DDIAS: variants seen among roughly 807,000 people sequenced by gnomAD.
DDIAS encodes the protein DNA damage-induced apoptosis suppressor protein.
DDIAS carries 14 observed loss-of-function variants against 15.7 expected under a neutral mutation model. The ratio of observed to expected loss-of-function variants is 0.89; its 90% CI spans 0.59 to 1.39. The LOEUF is 1.39. DDIAS is among the 40% of genes most tolerant of loss of function. DDIAS has a pLI of 0.00. For synonymous variants in DDIAS, 355 were observed against 395.9 expected (o/e 0.90, Z 1.23); for missense variants, 1,035 against 1,130.9 (o/e 0.92, Z 1.22).
intron 1 of DDIAS, among the ~76,000 whole-genome samples, chr11:82,910,441 G>A (rs570625834): frequency 3.3e-5 from 5 of 151,492 alleles, no homozygotes; most frequent in East Asian, 1.9e-4. Context: ...GGCTAATTTT[G>A]TATATTTTTG....
intron 5 of DDIAS, among the ~76,000 whole-genome samples, chr11:82,931,002 T>C (rs1408419983): frequency 6.6e-6 from 1 of 151,290 alleles, no homozygotes; most frequent in African/African-American, 2.4e-5. Context: ...TCCCCTCCCC[T>C]CCTCTCTTTC....
Position 82,932,439 on chromosome 11 carries a change from G to A in DDIAS, c.1101G>A (p.Gln367=), listed in dbSNP as rs1861015728. The A allele has an allele frequency of 1.2e-6, 2 of 1,614,154 alleles. No homozygotes were observed. The highest frequency in any genetic ancestry group is 3.3e-5 in the Admixed American group (2 of 60,024). Residue 367 remains glutamine, a synonymous_variant, in exon 6 of 6, where the codon CAG becomes CAA. Transcript: ENST00000533655. The part of the protein sequence containing the change: ...HSAVEIKNRS[Q]HELPCFQHHG... ...CAGTGGAAATTAAAAATAGGTCCCA[G>A]CATGAGCTACCATGTTTTCAGCATC... is the stretch of plus-strand genomic sequence containing the variant.
At chr11:82,916,899 C>G (rs1860643069) in intron 3 of DDIAS, among the ~76,000 whole-genome samples, 1 of 152,158 alleles carries the variant, frequency 6.6e-6, no homozygotes, top group Non-Finnish European at 1.5e-5. Context: ...TGAATTCTGT[C>G]TACCTTCATA....
rs750930355 is a variant in DDIAS, at chr11:82,914,752, G to A, written c.14G>A (p.Arg5Gln). MNRR[R>Q]KFLLASVLAL... ...CGGTGTGAACACATGAACAGAAGACGAAAATTTCTTCTAGCCTCAGTACTT... is the reference window on the plus strand; with the variant it reads ...CGGTGTGAACACATGAACAGAAGACAAAAATTTCTTCTAGCCTCAGTACTT... The change falls in exon 3 of 6, where the codon CGA (arginine) becomes CAA (glutamine). Residue 5 changes from arginine to glutamine, a missense_variant. Arg to Gln is a conservative substitution (Grantham distance 43, BLOSUM62 1). Transcript: ENST00000533655. 18 of 1,603,406 alleles carry A rather than the reference G, an allele frequency of 1.1e-5. No homozygotes were observed. Among genetic ancestry groups the A allele is most frequent in the Middle Eastern group, 1.7e-4 (1 of 6,058 alleles).
At chr11:82,915,981 G>A (rs1860626182) in intron 3 of DDIAS, among the ~76,000 whole-genome samples, 1 of 152,148 alleles carries the variant, frequency 6.6e-6, no homozygotes, top group Non-Finnish European at 1.5e-5. Flanking sequence ...GATGTTGTTT[G>A]AGAATCTGCT....
chr11:82,914,718 T>C lies in DDIAS; in HGVS notation c.-16-5T>C, dbSNP rs773046419. ...AGTCATCCCAATGGCTATTTTGTTT[T>C]GCAGACCACGGTGTGAACACATGAA... is the stretch of plus-strand genomic sequence containing the variant. On this transcript the variant is annotated splice_polypyrimidine_tract_variant and splice_region_variant and intron_variant, in intron 2 of 5. Coordinates refer to ENST00000533655, the MANE Select transcript of DDIAS (RefSeq NM_145018.4). 5.6e-5 allele frequency: 82 copies of C among 1,461,660 alleles called. No homozygotes were observed. The highest frequency in any genetic ancestry group is 7.7e-5 in the Non-Finnish European group (81 of 1,047,682). The allele number at this position is 1,461,660 out of a possible 1,614,324, so 90.5% of individuals were successfully genotyped here.
At chr11:82,903,076 C>T (rs1591083558) in intron 1 of DDIAS, among the ~76,000 whole-genome samples, 1 of 152,134 alleles carries the variant, frequency 6.6e-6, no homozygotes, top group East Asian at 1.9e-4. Context: ...GTTGTGCAAA[C>T]GTCCTGAGGC....
chr11:82,920,422 G>T (rs1187125169), intron 3 of DDIAS, among the ~76,000 whole-genome samples: 1 of 151,994 alleles, frequency 6.6e-6, no homozygotes, highest in Admixed American at 6.6e-5. Flanking sequence ...CTGGGTTTCG[G>T]TTTGGTTTGT....
chr11:82,925,707 A>C (rs1860844922), intron 3 of DDIAS, among the ~76,000 whole-genome samples: 1 of 152,170 alleles, frequency 6.6e-6, no homozygotes, highest in African/African-American at 2.4e-5. Context: ...CGACTATGGT[A>C]GCCAGGTGCG....
intron 3 of DDIAS, among the ~76,000 whole-genome samples, chr11:82,924,879 C>G (rs1012268041): frequency 3.3e-5 from 5 of 151,808 alleles, no homozygotes; most frequent in African/African-American, 9.7e-5. Context: ...TAACTGGGAT[C>G]AAACAAAAAA....
At chr11:82,918,292 C>A (rs1485214784) in intron 3 of DDIAS, among the ~76,000 whole-genome samples, 1 of 152,084 alleles carries the variant, frequency 6.6e-6, no homozygotes, top group African/African-American at 2.4e-5. Flanking sequence ...AAGATTCATT[C>A]TCCTACATGT....
chr11:82,901,861 C>G (rs1247117358), intron 1 of DDIAS, 39 bp downstream of exon 1: 1 of 152,130 alleles, frequency 6.6e-6, no homozygotes, highest in Non-Finnish European at 1.5e-5. Context: ...GCCGAAGAGC[C>G]GGAGACTCCT....
chr11:82,902,620 C>T (rs1272822008), intron 1 of DDIAS, among the ~76,000 whole-genome samples: 2 of 152,168 alleles, frequency 1.3e-5, no homozygotes, highest in East Asian at 3.8e-4. Flanking sequence ...TGGTTTTCCA[C>T]CGCTCCAGCC....
At position 82,934,365 on chromosome 11, in the gene DDIAS, T is replaced by A. The variant is rs760040490; in HGVS notation, c.*30T>A. On this transcript the variant is annotated 3_prime_UTR_variant, in exon 6 of 6. Coordinates refer to ENST00000533655, the MANE Select transcript of DDIAS (RefSeq NM_145018.4). ...TCACCTGAACCCAATTCCTGAACTT[T>A]TAAATCTGTTTGGAAATGTTTGCCT... 1 of 1,539,692 alleles carries A rather than the reference T, an allele frequency of 6.5e-7. No individual in the cohort carries two copies. The highest frequency in any genetic ancestry group is 8.7e-7 in the Non-Finnish European group (1 of 1,145,442).
chr11:82,934,554 A>T lies in DDIAS; in HGVS notation c.*219A>T. 1 of 442,296 alleles carries T rather than the reference A, an allele frequency of 2.3e-6. No individual in the cohort carries two copies. Among genetic ancestry groups the T allele is most frequent in the South Asian group, 6.6e-5 (1 of 15,102 alleles). The allele number at this position is 442,296 out of a possible 1,614,324, so 27.4% of individuals were successfully genotyped here. ...ATTAGGTAGTTGAGCACTTTATCTTATACTGTTTATTGTACTTTAATAATA... is the reference window on the plus strand; with the variant it reads ...ATTAGGTAGTTGAGCACTTTATCTTTTACTGTTTATTGTACTTTAATAATA... On this transcript the variant is annotated 3_prime_UTR_variant, in exon 6 of 6. Coordinates refer to ENST00000533655, the MANE Select transcript of DDIAS (RefSeq NM_145018.4).
intron 3 of DDIAS, among the ~76,000 whole-genome samples, chr11:82,927,715 CAG>C (rs1352736085): frequency 1.3e-5 from 2 of 152,110 alleles, no homozygotes; most frequent in East Asian, 1.9e-4. Context: ...AGATAGAAAT[CAG>C]AGTTATAATA....
At position 82,932,010 on chromosome 11, in the gene DDIAS, T is replaced by C. The variant is rs374663692; in HGVS notation, c.672T>C (p.Ser224=). 5.6e-6 allele frequency: 9 copies of C among 1,614,088 alleles called. No individual in the cohort carries two copies. Among genetic ancestry groups the C allele is most frequent in the Non-Finnish European group, 7.6e-6 (9 of 1,180,052 alleles). ...GCATATATACTTCTGACAGCACTTC[T>C]GATTTTTTCAAGTCCTGCAGCAAGG... ...LSSIYTSDST[S]DFFKSCSKDT... Residue 224 remains serine (S), a synonymous_variant, in exon 6 of 6, where the codon TCT becomes TCC. Coordinates refer to ENST00000533655, the MANE Select transcript of DDIAS (RefSeq NM_145018.4).
chr11:82,917,820 T>G (rs1341329456), intron 3 of DDIAS, among the ~76,000 whole-genome samples: 1 of 152,192 alleles, frequency 6.6e-6, no homozygotes, highest in Non-Finnish European at 1.5e-5. Flanking sequence ...TGGTTTTTGA[T>G]TTTTTGATTA....
rs1861044662 is a variant in DDIAS, at chr11:82,933,386, T to C, written c.2048T>C (p.Ile683Thr). 12 of 1,614,032 alleles carry C rather than the reference T, an allele frequency of 7.4e-6. No homozygotes were observed. The highest frequency in any genetic ancestry group is 4.4e-5 in the South Asian group (4 of 91,074). ...YDASADLFDD[I>T]AKEMDIATEI... The stretch of plus-strand genomic sequence containing the variant: ...GCCTCTGCTGATCTCTTTGATGATA[T>C]TGCTAAAGAAATGGACATTGCAACT... The change falls in exon 6 of 6, where the codon ATT (isoleucine) becomes ACT (threonine). Residue 683 changes from isoleucine to threonine, a missense_variant. Coordinates refer to ENST00000533655, the MANE Select transcript of DDIAS (RefSeq NM_145018.4).
Sources: allele counts gnomAD v4.1 joint callset (sites outside exome capture counted in the v4.1 genomes callset), GRCh38; gene constraint gnomAD v4.1.1; transcripts MANE v1.5; gene names NCBI Gene and HGNC (gene_info 2026-07-23, HGNC 2026-07-21).